ZNF521: variants seen among roughly 807,000 people sequenced by gnomAD.
ZNF521 encodes the protein LYST-interacting protein 3.
ZNF521 carries 14 observed loss-of-function variants against 105.5 expected under a neutral mutation model. The observed-to-expected ratio is 0.13, with a 90% CI of 0.09 to 0.21. The LOEUF (loss-of-function observed/expected upper bound fraction) is 0.21. ZNF521 is among the 10% of genes least tolerant of loss of function. The pLI is 1.00. For synonymous variants in ZNF521, 635 were observed against 606.0 expected (o/e 1.05, Z -0.70); for missense variants, 1,233 against 1,629.7 (o/e 0.76, Z 4.19).
intron 3 of ZNF521, among the ~76,000 whole-genome samples, chr18:25,244,092 C>T (rs1907536902): frequency 6.6e-6 from 1 of 152,108 alleles, no homozygotes; most frequent in South Asian, 2.1e-4. Flanking sequence ...TTGCCATAGT[C>T]CACTGAGAAA....
intron 3 of ZNF521, among the ~76,000 whole-genome samples, chr18:25,304,470 C>A (rs1230507434): frequency 1.3e-5 from 2 of 152,146 alleles, no homozygotes; most frequent in African/African-American, 4.8e-5. Context: ...TGTGTGTGTG[C>A]AAACCTACAG....
intron 3 of ZNF521, among the ~76,000 whole-genome samples, chr18:25,300,706 AG>A (rs146902229): frequency 0.03 from 4,519 of 152,324 alleles, 97 homozygotes; most frequent in Middle Eastern, 0.048. Flanking sequence ...CCAACCTAAT[AG>A]GAACAGTAAA....
intron 3 of ZNF521, among the ~76,000 whole-genome samples, chr18:25,269,503 C>T (rs569735239): frequency 1.3e-5 from 2 of 152,304 alleles, no homozygotes; most frequent in African/African-American, 4.8e-5. Context: ...CTCAGCACCA[C>T]GTAGCACTTA....
Position 25,322,069 on chromosome 18 carries a change from G to C in ZNF521, c.159C>G (p.Leu53=). ...DEAVHSCDSC[L]QVFESLSDIT... is the part of the protein sequence containing the mutation. ...TATCGCTCAGCGATTCAAACACCTG[G>C]AGGCAGCTGTCACAGCTGTGCACAG... Residue 53 remains leucine, a synonymous_variant, in exon 3 of 8, where the codon CTC becomes CTG. Coordinates refer to ENST00000361524, the MANE Select transcript of ZNF521 (RefSeq NM_015461.3). The C allele has an allele frequency of 6.2e-7, 1 of 1,614,146 alleles. No individual in the cohort carries two copies. Among genetic ancestry groups the C allele is most frequent in the South Asian group, 1.1e-5 (1 of 91,078 alleles).
rs756216378 is a variant in ZNF521, at chr18:25,225,539, G to A, written c.2379C>T (p.Gly793=). 6.2e-7 allele frequency: 1 copy of A among 1,614,186 alleles called. No homozygotes were observed. The highest frequency in any genetic ancestry group is 8.5e-7 in the Non-Finnish European group (1 of 1,180,024). The stretch of plus-strand genomic sequence containing the variant: ...TGTGGCATTGCAGCTCCACCTCGGT[G>A]CCAAAGGACTCACCGCAGAAAATGC... ...HKCIFCGESF[G]TEVELQCHIT... Residue 793 remains glycine (G), a synonymous_variant, in exon 4 of 8, where the codon GGC becomes GGT. Transcript: ENST00000361524. The surrounding 1 kb of genome is among the most constrained non-coding windows in gnomAD (Gnocchi z 5.6).
In ZNF521 at chr18:25,063,105, G is replaced by A. The variant is rs142078909; in HGVS notation, c.3907-364C>T. Among the ~76,000 whole-genome samples, 294 of 152,176 alleles carry A rather than the reference G, an allele frequency of 1.9e-3. 2 individuals are homozygous for A. Among genetic ancestry groups the A allele is most frequent in the Non-Finnish European group, 2.7e-3 (186 of 68,004 alleles). On this transcript the variant is annotated intron_variant, in intron 7 of 7. Transcript: ENST00000361524. ...CCATGCCTTTCTATAATACCCTCCCGCCATCCATCATCTCTTCTTATTAAG... is the reference window on the plus strand; with the variant it reads ...CCATGCCTTTCTATAATACCCTCCCACCATCCATCATCTCTTCTTATTAAG...
Position 25,350,901 on chromosome 18 carries a change from C to T in ZNF521, c.40+6G>A. 6.4e-7 allele frequency: 1 copy of T among 1,550,816 alleles called. No individual in the cohort carries two copies. The highest frequency in any genetic ancestry group is 8.7e-7 in the Non-Finnish European group (1 of 1,146,456). ...GGAAAGCGGGGAGCAGGGGGTTCCT[C>T]CTTACCTTTGAGGGATCTCGGTTTC... On this transcript the variant is annotated splice_donor_region_variant and intron_variant, in intron 2 of 7. Coordinates refer to ENST00000361524, the MANE Select transcript of ZNF521 (RefSeq NM_015461.3).
At chr18:25,113,120 T>C (rs774575785) in intron 5 of ZNF521, among the ~76,000 whole-genome samples, 1 of 152,072 alleles carries the variant, frequency 6.6e-6, no homozygotes, top group African/African-American at 2.4e-5. Flanking sequence ...ACTGGCAATC[T>C]GTCCTTAGTG....
At chr18:25,117,045 A>G (rs1249965475) in intron 5 of ZNF521, among the ~76,000 whole-genome samples, 9 of 77,600 alleles carry the variant, frequency 1.2e-4, no homozygotes, top group Non-Finnish European at 2.2e-4. Flanking sequence ...ACACACACAC[A>G]CATATATATA....
intron 2 of ZNF521, among the ~76,000 whole-genome samples, chr18:25,349,042 C>G (rs974700523): frequency 6.6e-6 from 1 of 152,050 alleles, no homozygotes; most frequent in Non-Finnish European, 1.5e-5. Flanking sequence ...GCCAATCGTG[C>G]AAACTTTAAT....
chr18:25,170,319 T>A (rs1007853970), intron 5 of ZNF521, among the ~76,000 whole-genome samples: 1 of 152,060 alleles, frequency 6.6e-6, no homozygotes, highest in African/African-American at 2.4e-5. Context: ...ACTTAGAGCA[T>A]CTCATTCCCT....
intron 3 of ZNF521, among the ~76,000 whole-genome samples, chr18:25,251,398 T>A (rs1035889933): frequency 6.6e-6 from 1 of 152,234 alleles, no homozygotes; most frequent in African/African-American, 2.4e-5. Context: ...TTTATTAGAA[T>A]TGCCCATTCC....
At chr18:25,264,844 C>T (rs1433501755) in intron 3 of ZNF521, among the ~76,000 whole-genome samples, 1 of 151,868 alleles carries the variant, frequency 6.6e-6, no homozygotes, top group Non-Finnish European at 1.5e-5. Flanking sequence ...ACAGAAAAAG[C>T]TTCAGGAAGG....
intron 5 of ZNF521, among the ~76,000 whole-genome samples, chr18:25,138,424 C>G (rs571805659): frequency 6.9e-6 from 1 of 144,830 alleles, no homozygotes; most frequent in African/African-American, 2.6e-5. Context: ...AGGTGGCACA[C>G]GAGAAACGGA....
At chr18:25,112,269 G>C (rs914816807) in intron 5 of ZNF521, among the ~76,000 whole-genome samples, 3 of 152,126 alleles carry the variant, frequency 2.0e-5, no homozygotes, top group African/African-American at 4.8e-5. Flanking sequence ...GCAGTCGCTA[G>C]GGGCCCGTGA....
At position 25,092,005 on chromosome 18, in the gene ZNF521, T is replaced by C. The variant is rs2033757594; in HGVS notation, c.3735A>G (p.Ile1245Met). 2 of 1,614,060 alleles carry C rather than the reference T, an allele frequency of 1.2e-6. No homozygotes were observed. The highest frequency in any genetic ancestry group is 1.7e-6 in the Non-Finnish European group (2 of 1,179,928). Residue 1245 changes from isoleucine (I) to methionine (M), a missense_variant, in exon 6 of 8, where the codon ATA becomes ATG. By Grantham distance (10) the Ile-to-Met change is conservative. Around this residue, in one of 6 missense-constraint regions of ZNF521, gnomAD observed 76 missense variants for 137.2 expected, o/e 0.55. Coordinates refer to ENST00000361524, the MANE Select transcript of ZNF521 (RefSeq NM_015461.3). ...CTCCCATCCCTTCGAAGCTGTGCTC[T>C]ATCAGGTGGCACTGGAGTTTGGCAG... is the stretch of plus-strand genomic sequence containing the variant. ...DSPAKLQCHL[I>M]EHSFEGMGGT... is the part of the protein sequence containing the mutation.
In ZNF521 at chr18:25,350,967, G is replaced by A; in HGVS notation, c.-1-20C>T. On this transcript the variant is annotated intron_variant, in intron 1 of 7. Coordinates refer to ENST00000361524, the MANE Select transcript of ZNF521 (RefSeq NM_015461.3). ...GACATCCTAAAAGCAAACAGCTGAA[G>A]TTGTTTCAATTCAGCCCTGAAAGAA... 1 of 1,543,510 alleles carries A rather than the reference G, an allele frequency of 6.5e-7. No homozygotes were observed. Among genetic ancestry groups the A allele is most frequent in the Non-Finnish European group, 8.7e-7 (1 of 1,143,210 alleles).
chr18:25,168,714 C>T (rs2035393394), intron 5 of ZNF521, among the ~76,000 whole-genome samples: 2 of 152,226 alleles, frequency 1.3e-5, no homozygotes, highest in Non-Finnish European at 1.5e-5. Context: ...TTGACTCCTG[C>T]TGGAAGTATC....
rs190798198 is a variant in ZNF521, at chr18:25,268,570, A to C, written c.221-40873T>G. 2.3e-3 allele frequency among the ~76,000 whole-genome samples: 347 copies of C among 152,376 alleles called. 1 individual carries two copies. In the South Asian group the frequency reaches 0.025, roughly 11 times the overall value. On this transcript the variant is annotated intron_variant, in intron 3 of 7. Coordinates refer to ENST00000361524, the MANE Select transcript of ZNF521 (RefSeq NM_015461.3). ...CCACAAAGGGAAGCCCATCAGACTA[A>C]CAGCGGATCTCTTGGTAGAAACCCA...
Sources: allele counts gnomAD v4.1 joint callset (sites outside exome capture counted in the v4.1 genomes callset), GRCh38; gene constraint gnomAD v4.1.1; regional missense constraint gnomAD v4.1.1; non-coding constraint Gnocchi (gnomAD v3.1); transcripts MANE v1.5; gene names NCBI Gene and HGNC (gene_info 2026-07-23, HGNC 2026-07-21).